TNFSF4: variants seen among roughly 807,000 people sequenced by gnomAD.
TNFSF4 encodes the protein TNF superfamily member 4.
Under a neutral mutation model 7.3 loss-of-function variants are expected in TNFSF4, and 4 were observed. The ratio of observed to expected loss-of-function variants is 0.55; its 90% confidence interval spans 0.27 to 1.25. TNFSF4 has a LOEUF of 1.25. Among genes scored for constraint, TNFSF4 ranks in the 50% most tolerant of loss-of-function variants. The pLI, the probability that TNFSF4 is intolerant of heterozygous loss-of-function variation, is 0.12. For missense variants in TNFSF4, 181 were observed against 208.8 expected, an observed-to-expected ratio of 0.87 and a Z score of 0.82; for synonymous variants, 76 against 83.7, an observed-to-expected ratio of 0.91 and a Z score of 0.50.
chr1:173,415,986 C>T, the TNFSF4 span, among the ~76,000 whole-genome samples: 3 of 152,126 alleles, frequency 2.0e-5, no homozygotes, highest in East Asian at 1.9e-4. Context: ...CCAGGTCCAC[C>T]GGGCCTCTGC....
the TNFSF4 span, among the ~76,000 whole-genome samples, chr1:173,334,803 A>C: frequency 6.6e-6 from 1 of 152,254 alleles, no homozygotes; most frequent in African/African-American, 2.4e-5. Context: ...GCTGCCTTTC[A>C]AGAAATGCTG....
At chr1:173,358,087 T>A in the TNFSF4 span, among the ~76,000 whole-genome samples, 25 of 152,186 alleles carry the variant, frequency 1.6e-4, no homozygotes, top group African/African-American at 5.5e-4. Context: ...CCCAATGTAA[T>A]CACAATGGTC....
intron 1 of TNFSF4, among the ~76,000 whole-genome samples, chr1:173,192,061 T>C (rs1242481228): frequency 6.6e-6 from 1 of 152,136 alleles, no homozygotes; most frequent in Non-Finnish European, 1.5e-5. Context: ...CCTGTAATCT[T>C]AGCCACTGGG....
chr1:173,357,601 G>A, the TNFSF4 span, among the ~76,000 whole-genome samples: 15,097 of 151,926 alleles, frequency 0.099, 875 homozygotes, highest in East Asian at 0.27. Context: ...GTGCAATGTC[G>A]GCTCACTGCA....
chr1:173,306,660 G>A, the TNFSF4 span, among the ~76,000 whole-genome samples: 1 of 151,880 alleles, frequency 6.6e-6, no homozygotes, highest in Non-Finnish European at 1.5e-5. Context: ...CCTCCATGGA[G>A]ATGGCCACTT....
the TNFSF4 span, among the ~76,000 whole-genome samples, chr1:173,173,019 C>A: frequency 6.6e-6 from 1 of 152,016 alleles, no homozygotes; most frequent in Non-Finnish European, 1.5e-5. Flanking sequence ...AGGAAAAATC[C>A]CCTATAAAAC....
the TNFSF4 span, among the ~76,000 whole-genome samples, chr1:173,236,686 C>A: frequency 6.6e-6 from 1 of 151,910 alleles, no homozygotes; most frequent in Non-Finnish European, 1.5e-5. Flanking sequence ...ATTCACAGCA[C>A]CATGGATGGA....
At chr1:173,177,456 C>T in the TNFSF4 span, among the ~76,000 whole-genome samples, 324 of 152,064 alleles carry the variant, frequency 2.1e-3, 6 homozygotes, top group Admixed American at 0.014. Flanking sequence ...GTAGAGTGTG[C>T]GAGGAGGCTG....
chr1:173,425,223 A>C, the TNFSF4 span, among the ~76,000 whole-genome samples: 4 of 152,240 alleles, frequency 2.6e-5, no homozygotes, highest in African/African-American at 9.6e-5. Flanking sequence ...CACTTGGCTC[A>C]GTGCAGCTCA....
chr1:173,271,550 C>T, the TNFSF4 span, among the ~76,000 whole-genome samples: 2 of 152,246 alleles, frequency 1.3e-5, no homozygotes, highest in Non-Finnish European at 2.9e-5. Context: ...TATAAACAGA[C>T]ACTTCTCAAA....
chr1:173,265,348 T>G, the TNFSF4 span, among the ~76,000 whole-genome samples: 2 of 152,322 alleles, frequency 1.3e-5, no homozygotes, highest in East Asian at 3.9e-4. Flanking sequence ...TACTTGTGAC[T>G]ACCCCTAGGA....
chr1:173,214,436 GC>G, the TNFSF4 span, among the ~76,000 whole-genome samples: 1 of 152,194 alleles, frequency 6.6e-6, no homozygotes, highest in South Asian at 2.1e-4. Flanking sequence ...AATGCACACA[GC>G]TACTAATCCA....
chr1:173,236,065 G>C, the TNFSF4 span, among the ~76,000 whole-genome samples: 4 of 152,110 alleles, frequency 2.6e-5, no homozygotes, highest in South Asian at 8.3e-4. Flanking sequence ...TTTTTCTGCT[G>C]AAAAGCCATT....
the TNFSF4 span, among the ~76,000 whole-genome samples, chr1:173,430,540 T>C: frequency 6.6e-6 from 1 of 152,314 alleles, no homozygotes; most frequent in South Asian, 2.1e-4. Flanking sequence ...GGGATTTCAT[T>C]ATATTTTGTT....
At chr1:173,174,169 C>T in the TNFSF4 span, 1 of 152,186 alleles carries the variant, frequency 6.6e-6, no homozygotes, top group Non-Finnish European at 1.5e-5. Flanking sequence ...GCAAGAGTGA[C>T]CTTTACTCCA....
chr1:173,392,848 A>C, the TNFSF4 span, among the ~76,000 whole-genome samples: 2 of 152,204 alleles, frequency 1.3e-5, no homozygotes, highest in Non-Finnish European at 2.9e-5. Context: ...TACATATATA[A>C]AACACTGATG....
At chr1:173,382,837 A>G in the TNFSF4 span, among the ~76,000 whole-genome samples, 1 of 151,568 alleles carries the variant, frequency 6.6e-6, no homozygotes, top group South Asian at 2.1e-4. Flanking sequence ...CAAGGCCTTA[A>G]TATGGGTGGG....
the TNFSF4 span, among the ~76,000 whole-genome samples, chr1:173,391,081 T>C: frequency 1.3e-5 from 2 of 152,096 alleles, no homozygotes; most frequent in African/African-American, 2.4e-5. Flanking sequence ...CTATAAATTA[T>C]GAAACTGGCC....
At chr1:173,283,282 C>T in the TNFSF4 span, among the ~76,000 whole-genome samples, 4 of 152,034 alleles carry the variant, frequency 2.6e-5, no homozygotes, top group African/African-American at 2.4e-5. Flanking sequence ...ACTTTCTCAC[C>T]CCATCCTTTC....
Sources: allele counts gnomAD v4.1 joint callset (sites outside exome capture counted in the v4.1 genomes callset), GRCh38; gene constraint gnomAD v4.1.1; transcripts MANE v1.5; gene names NCBI Gene and HGNC (gene_info 2026-07-23, HGNC 2026-07-21).